Variants in MID1 observed in about 807,000 individuals in gnomAD.
MID1 encodes the protein midline 1.
A neutral mutation model predicts 40.4 loss-of-function variants in MID1; 7 were observed. The ratio of observed to expected loss-of-function variants is 0.17; its 90% confidence interval spans 0.10 to 0.33. The LOEUF (loss-of-function observed/expected upper bound fraction) is 0.33, where lower values mean the gene tolerates loss of function less well. MID1 is among the 10% of genes least tolerant of loss of function. The pLI, the probability that MID1 is intolerant of heterozygous loss-of-function variation, is 1.00. For synonymous variants in MID1, 229 were observed against 221.2 expected (o/e 1.04, Z -0.31); for missense variants, 367 against 558.5 (o/e 0.66, Z 3.46).
intron 1 of MID1, among the ~76,000 whole-genome samples, chrX:10,640,761 G>C (rs1282287629): frequency 9.0e-6 from 1 of 110,667 alleles, no homozygotes; most frequent in Non-Finnish European, 1.9e-5. Flanking sequence ...CCACATAGTT[G>C]GAAGTAAAGC....
At chrX:10,619,038 A>G (rs1402319624) in intron 1 of MID1, among the ~76,000 whole-genome samples, 1 of 111,734 alleles carries the variant, frequency 8.9e-6, no homozygotes, top group Non-Finnish European at 1.9e-5. Flanking sequence ...AGGGCAATTC[A>G]TTGCAAGCAG....
intron 1 of MID1, among the ~76,000 whole-genome samples, chrX:10,783,159 T>G (rs1486728033): frequency 1.8e-5 from 2 of 111,885 alleles, no homozygotes; most frequent in East Asian, 5.6e-4. Context: ...CTGGCCATAC[T>G]GGACAGTACA....
At chrX:10,807,128 C>T (rs1477208610) in intron 1 of MID1, among the ~76,000 whole-genome samples, 1 of 109,978 alleles carries the variant, frequency 9.1e-6, no homozygotes, top group Non-Finnish European at 1.9e-5. Context: ...ACCTGTAATC[C>T]CAGCTACTCG....
At chrX:10,548,591 G>A (rs1933790146) in intron 2 of MID1, among the ~76,000 whole-genome samples, 1 of 112,013 alleles carries the variant, frequency 8.9e-6, no homozygotes, top group Non-Finnish European at 1.9e-5. Flanking sequence ...CGAAGTAATT[G>A]CCAAATAGAG....
chrX:10,711,813 T>C (rs2043269767), intron 1 of MID1, among the ~76,000 whole-genome samples: 1 of 112,283 alleles, frequency 8.9e-6, no homozygotes, highest in Admixed American at 9.4e-5. Flanking sequence ...CTGTGAATGA[T>C]TTAATGCAGT....
chrX:10,788,670 G>GC (rs2043905072), intron 1 of MID1, among the ~76,000 whole-genome samples: 1 of 109,307 alleles, frequency 9.1e-6, no homozygotes, highest in African/African-American at 3.5e-5. Flanking sequence ...GGTTGTCATA[G>GC]TTTGGGGGTG....
At chrX:10,560,202 CAT>C (rs1355461296) in intron 2 of MID1, among the ~76,000 whole-genome samples, 3 of 110,797 alleles carry the variant, frequency 2.7e-5, no homozygotes, top group Non-Finnish European at 5.7e-5. Flanking sequence ...TTCTTAATAA[CAT>C]AGGTTCAAAA....
intron 1 of MID1, among the ~76,000 whole-genome samples, chrX:10,660,704 T>C (rs138713105): frequency 0.013 from 1,418 of 112,285 alleles, 27 homozygotes; most frequent in African/African-American, 0.043. Context: ...TCTTGTCATT[T>C]AGAGTCCAAC....
chrX:10,692,592 G>A (rs745451544), intron 1 of MID1, among the ~76,000 whole-genome samples: 9 of 110,369 alleles, frequency 8.2e-5, no homozygotes, highest in South Asian at 3.9e-4. Flanking sequence ...ACTCCAGCCC[G>A]GGCAACAAGA....
chrX:10,533,372 GAAAGAAAAAGAAAGAAAGA>G (rs1933080064), intron 2 of MID1, among the ~76,000 whole-genome samples: 5 of 49,645 alleles, frequency 1.0e-4, no homozygotes, highest in African/African-American at 4.2e-4. Flanking sequence ...AAGAAAGAAA[GAAAGAAAAAGAAAGAAAGA>G]AAAGAAAGAA....
chrX:10,822,314 TC>T (rs2044180927), intron 1 of MID1, among the ~76,000 whole-genome samples: 2 of 111,489 alleles, frequency 1.8e-5, no homozygotes, highest in African/African-American at 6.5e-5. Flanking sequence ...CTGGACCCCT[TC>T]CTTATACCTT....
chrX:10,589,308 C>G (rs193010970), intron 1 of MID1, among the ~76,000 whole-genome samples: 31 of 111,187 alleles, frequency 2.8e-4, no homozygotes, highest in Admixed American at 2.6e-3. Context: ...AGGCAAGTTC[C>G]TACTCAAATG....
intron 1 of MID1, among the ~76,000 whole-genome samples, chrX:10,744,327 A>G (rs1320808551): frequency 8.9e-6 from 1 of 112,404 alleles, no homozygotes; most frequent in Non-Finnish European, 1.9e-5. Context: ...ATTTTCTACT[A>G]GTAATGAAGG....
intron 2 of MID1, among the ~76,000 whole-genome samples, chrX:10,530,977 T>C (rs759172316): frequency 8.9e-6 from 1 of 112,207 alleles, no homozygotes; most frequent in South Asian, 3.8e-4. Flanking sequence ...CTTGCTCTTA[T>C]TCCGAAGTCA....
intron 1 of MID1, among the ~76,000 whole-genome samples, chrX:10,583,219 T>TA (rs1461140314): frequency 3.6e-5 from 4 of 111,174 alleles, no homozygotes; most frequent in Non-Finnish European, 7.6e-5. Flanking sequence ...ATGAAGGAAA[T>TA]AAAAAAATAA....
intron 1 of MID1, among the ~76,000 whole-genome samples, chrX:10,769,785 A>G (rs1331972502): frequency 2.7e-5 from 3 of 111,518 alleles, no homozygotes. Context: ...CCTGGACAGA[A>G]GGAGGCAAGG....
At chrX:10,469,356 G>A in intron 7 of MID1, 1 of 956,171 alleles carries the variant, frequency 1.0e-6, no homozygotes, top group Non-Finnish European at 1.3e-6. Flanking sequence ...TGATCTTTAA[G>A]TTATGAACCT....
chrX:10,628,570 G>A (rs1936019217), intron 1 of MID1, among the ~76,000 whole-genome samples: 1 of 111,380 alleles, frequency 9.0e-6, no homozygotes, highest in Non-Finnish European at 1.9e-5. Flanking sequence ...CTATATCTGT[G>A]TGGAAAAAAA....
rs763201424 is a variant in MID1 at position 10,451,319 on chromosome X, C to T, written c.1656-1603G>A. Among the ~76,000 whole-genome samples the T allele has an allele frequency of 5.4e-5, 6 of 111,681 alleles. No homozygotes were observed. In the East Asian group the frequency reaches 1.1e-3, roughly 21 times the overall value. ...AGAAGTGCTTAGAGGAGGGGAAACA[C>T]GCTTTCCTGATGGCAGACAGTAGAC... is the stretch of plus-strand genomic sequence containing the variant. On this transcript the variant is annotated intron_variant, in intron 9 of 9. Transcript: ENST00000317552.
Sources: gnomAD v4.1 joint callset for allele counts (sites outside exome capture counted in the v4.1 genomes callset) on GRCh38, gnomAD v4.1.1 for gene constraint, MANE v1.5 for transcripts, NCBI Gene and HGNC (gene_info 2026-07-23, HGNC 2026-07-21) for gene names.